WIPF2: variants seen among roughly 807,000 people sequenced by gnomAD.
WIPF2 encodes the protein WAS/WASL-interacting protein family member 2.
WIPF2 carries 23 observed loss-of-function variants against 38.8 expected under a neutral mutation model. The ratio of observed to expected loss-of-function variants is 0.59; its 90% CI spans 0.43 to 0.84. The LOEUF (loss-of-function observed/expected upper bound fraction) is 0.84, where lower values mean the gene tolerates loss of function less well. Among genes scored for constraint, WIPF2 ranks in the 40% least tolerant of loss-of-function variants. The probability of loss-of-function intolerance (pLI) is 0.00; values close to 1 mark genes in which losing one functional copy is unlikely to be tolerated. For synonymous variants in WIPF2, 210 were observed against 223.2 expected (o/e 0.94, Z 0.53); for missense variants, 574 against 580.5 (o/e 0.99, Z 0.11).
chr17:40,257,273 G>A (rs550110557), intron 2 of WIPF2, among the ~76,000 whole-genome samples: 5 of 151,742 alleles, frequency 3.3e-5, no homozygotes, highest in Admixed American at 1.3e-4. Context: ...CACCGCGCCC[G>A]GCTTGAGGAT....
rs368299423 is a variant in WIPF2 at position 40,278,267 on chromosome 17, C to T, written c.*42C>T. 3.2e-5 allele frequency: 52 copies of T among 1,607,444 alleles called. No homozygotes were observed. In the African/African-American group the frequency reaches 6.3e-4, roughly 19 times the overall value. On this transcript the variant is annotated 3_prime_UTR_variant, in exon 8 of 8. Transcript: ENST00000323571. ...GTTCCTCAGGAAAAGGATGGACCTTCTCTTCTTCTCAGATGGTCCCTTCCA... is the reference window on the plus strand; with the variant it reads ...GTTCCTCAGGAAAAGGATGGACCTTTTCTTCTTCTCAGATGGTCCCTTCCA...
chr17:40,278,342 CA>C lies in WIPF2; in HGVS notation c.*119del. 1 of 1,245,774 alleles carries C rather than the reference CA, an allele frequency of 8.0e-7. No homozygotes were observed. Among genetic ancestry groups the C allele is most frequent in the Non-Finnish European group, 1.1e-6 (1 of 877,306 alleles). 77.2% of individuals were successfully genotyped at this position (1,245,774 alleles called of 1,614,324 possible). A position where few individuals can be genotyped will look rare whatever the true frequency, so the allele number is the denominator to read the frequency against. On this transcript the variant is annotated 3_prime_UTR_variant, in exon 8 of 8. Transcript: ENST00000323571. The stretch of plus-strand genomic sequence containing the variant: ...TCCTAACATGTTTCTCCAATGCAAT[CA>C]AGCCCTAGACTCCAAATGTCCTCCC...
chr17:40,263,434 C>G (rs2031975769), intron 4 of WIPF2, among the ~76,000 whole-genome samples: 1 of 152,042 alleles, frequency 6.6e-6, no homozygotes, highest in African/African-American at 2.4e-5. Context: ...TAACAGGCCA[C>G]TGACCTGTAC....
At position 40,264,441 on chromosome 17, in the gene WIPF2, C is replaced by G. The variant is rs751230779; in HGVS notation, c.314-49C>G. 3.2e-6 allele frequency: 5 copies of G among 1,581,594 alleles called. No individual in the cohort carries two copies. In the East Asian group the frequency reaches 8.9e-5, roughly 28 times the overall value. ...GAGCCGAGTGAAGTAGGGATACTGA[C>G]CAATATCTGTCCAGCTCTGTTGACC... is the stretch of plus-strand genomic sequence containing the variant. On this transcript the variant is annotated intron_variant, in intron 4 of 7. Transcript: ENST00000323571.
chr17:40,254,985 C>T (rs892265787), intron 1 of WIPF2, among the ~76,000 whole-genome samples: 5 of 152,056 alleles, frequency 3.3e-5, no homozygotes, highest in African/African-American at 7.2e-5. Flanking sequence ...CTGCCTTCCT[C>T]GGCCTCCCAA....
At chr17:40,225,548 G>T (rs1313692606) in intron 1 of WIPF2, among the ~76,000 whole-genome samples, 7 of 152,194 alleles carry the variant, frequency 4.6e-5, no homozygotes, top group Admixed American at 4.6e-4. Flanking sequence ...GAGCAATTTG[G>T]AATGGCTATC....
chr17:40,246,979 T>C (rs1268210494), intron 1 of WIPF2, among the ~76,000 whole-genome samples: 2 of 151,430 alleles, frequency 1.3e-5, no homozygotes, highest in African/African-American at 4.8e-5. Flanking sequence ...GGTGTGGTGG[T>C]GTGCGCCTAT....
chr17:40,231,743 G>A (rs2145292127), intron 1 of WIPF2, among the ~76,000 whole-genome samples: 1 of 151,418 alleles, frequency 6.6e-6, no homozygotes, highest in South Asian at 2.1e-4. Context: ...TTTTATATAT[G>A]GAGCGTGCAG....
intron 1 of WIPF2, among the ~76,000 whole-genome samples, chr17:40,224,456 C>T (rs578106609): frequency 1.2e-4 from 17 of 138,052 alleles, no homozygotes; most frequent in South Asian, 9.0e-4. Context: ...AACTTGTTAG[C>T]GAGGATGTCT....
At chr17:40,221,563 ATCTC>A (rs988494335) in intron 1 of WIPF2, among the ~76,000 whole-genome samples, 3 of 151,548 alleles carry the variant, frequency 2.0e-5, no homozygotes, top group South Asian at 2.1e-4. Flanking sequence ...GCAATACCCC[ATCTC>A]TCTCTCTGTC....
chr17:40,223,730 G>A (rs2030354543), intron 1 of WIPF2, among the ~76,000 whole-genome samples: 2 of 151,284 alleles, frequency 1.3e-5, no homozygotes, highest in East Asian at 3.9e-4. Context: ...CTCCTGAGTA[G>A]CTGGGTGCCA....
In WIPF2 at chr17:40,277,120, A is replaced by G. The variant is rs373504587; in HGVS notation, c.1218A>G (p.Glu406=). ...CAAAGTATTCCTTCCATCCAGTAGA[A>G]GACTTTCCTGCTCCAGAAGAATATA... ...FESKYSFHPV[E]DFPAPEEYKH... Residue 406 remains glutamate, a synonymous_variant, in exon 7 of 8, where the codon GAA becomes GAG. Coordinates refer to ENST00000323571, the MANE Select transcript of WIPF2 (RefSeq NM_133264.5). The G allele has an allele frequency of 1.2e-6, 2 of 1,613,412 alleles. No homozygotes were observed. The highest frequency in any genetic ancestry group is 2.7e-5 in the African/African-American group (2 of 74,920).
intron 3 of WIPF2, 63 bp downstream of exon 3, chr17:40,260,730 C>A (rs750383887): frequency 1.9e-6 from 3 of 1,609,994 alleles, no homozygotes; most frequent in African/African-American, 2.7e-5. Context: ...GGAGACTTGG[C>A]TGGGTTCTTA....
chr17:40,255,540 G>A (rs2031695541), intron 1 of WIPF2, among the ~76,000 whole-genome samples: 1 of 151,672 alleles, frequency 6.6e-6, no homozygotes, highest in Non-Finnish European at 1.5e-5. Context: ...GGTCAGGCTG[G>A]CCTTGAACTC....
chr17:40,268,478 C>T (rs536890611), intron 5 of WIPF2, among the ~76,000 whole-genome samples: 41 of 152,196 alleles, frequency 2.7e-4, no homozygotes, highest in African/African-American at 4.1e-4. Flanking sequence ...ATGCAATTTC[C>T]GTGGGTTGAG....
At chr17:40,232,675 C>T (rs1329516431) in intron 1 of WIPF2, among the ~76,000 whole-genome samples, 8 of 148,372 alleles carry the variant, frequency 5.4e-5, no homozygotes, top group African/African-American at 1.7e-4. Flanking sequence ...GAGTTTCACT[C>T]GTTGCCCAGG....
chr17:40,255,795 T>A (rs867336677), intron 1 of WIPF2, among the ~76,000 whole-genome samples: 2 of 151,620 alleles, frequency 1.3e-5, no homozygotes, highest in Admixed American at 6.6e-5. Context: ...CACCGCTACT[T>A]TTTTGTATTT....
At chr17:40,225,552 G>A (rs1351915901) in intron 1 of WIPF2, among the ~76,000 whole-genome samples, 2 of 152,158 alleles carry the variant, frequency 1.3e-5, no homozygotes, top group East Asian at 3.8e-4. Flanking sequence ...AATTTGGAAT[G>A]GCTATCCAAC....
At chr17:40,257,694 T>A (rs1377520355) in intron 2 of WIPF2, among the ~76,000 whole-genome samples, 1 of 139,854 alleles carries the variant, frequency 7.2e-6, no homozygotes, top group Non-Finnish European at 1.5e-5. Flanking sequence ...TGCAGTGAGC[T>A]GAGATCATGC....
Sources: allele counts gnomAD v4.1 joint callset (sites outside exome capture counted in the v4.1 genomes callset), GRCh38; gene constraint gnomAD v4.1.1; transcripts MANE v1.5; gene names NCBI Gene and HGNC (gene_info 2026-07-23, HGNC 2026-07-21).